EDDM13: variants seen among roughly 807,000 people sequenced by gnomAD.
The protein encoded by EDDM13 is epididymal protein 13.
Under a neutral mutation model 17.8 loss-of-function variants are expected in EDDM13, and 24 were observed. The observed-to-expected ratio is 1.35, with a 90% CI of 0.98 to 1.90. The LOEUF (loss-of-function observed/expected upper bound fraction) is 1.90. EDDM13 is among the 40% of genes most tolerant of loss of function. The pLI is 0.00. For synonymous variants in EDDM13, 31 were observed against 37.5 expected (o/e 0.83, Z 0.63); for missense variants, 97 against 100.8 (o/e 0.96, Z 0.16).
intron 2 of EDDM13, among the ~76,000 whole-genome samples, chr19:56,279,259 C>T (rs2038496144): frequency 6.6e-6 from 1 of 152,098 alleles, no homozygotes; most frequent in African/African-American, 2.4e-5. Flanking sequence ...TGCTCCAAGT[C>T]ACATGGAAGG....
rs536230024 is a variant in EDDM13, at chr19:56,278,028, A to G, written c.103+1919A>G. 2.0e-5 allele frequency among the ~76,000 whole-genome samples: 3 copies of G among 152,362 alleles called. No homozygotes were observed. In the South Asian group the frequency reaches 6.2e-4, roughly 32 times the overall value. ...GAAAGGTATTATTTTACATTTTTGC[A>G]AATCTCTTTGATGTCTAGTTTAATA... On this transcript the variant is annotated intron_variant, in intron 2 of 14. Coordinates refer to ENST00000649256, the MANE Select transcript of EDDM13 (RefSeq NM_001354658.2).
intron 2 of EDDM13, among the ~76,000 whole-genome samples, chr19:56,277,763 TG>T (rs1210240455): frequency 1.3e-5 from 2 of 151,320 alleles, no homozygotes; most frequent in Admixed American, 1.3e-4. Flanking sequence ...GGAAGGAGGG[TG>T]GCAGGGAGGT....
intron 12 of EDDM13, chr19:56,300,121 T>A (rs1254416025): frequency 6.6e-6 from 1 of 151,958 alleles, no homozygotes; most frequent in Non-Finnish European, 1.5e-5. Context: ...CAAAATATCC[T>A]CCAAACCCAG....
chr19:56,306,343 T>C (rs1467302440), intron 14 of EDDM13, among the ~76,000 whole-genome samples: 2 of 120,960 alleles, frequency 1.7e-5, no homozygotes, highest in Admixed American at 8.3e-5. Context: ...TTCTCTTCCC[T>C]TGATAGCTAC....
chr19:56,281,357 T>TGA (rs66660228), intron 2 of EDDM13, among the ~76,000 whole-genome samples: 1 of 151,942 alleles, frequency 6.6e-6, no homozygotes, highest in Non-Finnish European at 1.5e-5. Context: ...CAACGGTGTG[T>TGA]GTATGTACAC....
intron 3 of EDDM13, among the ~76,000 whole-genome samples, 176 bp downstream of exon 3, chr19:56,281,874 T>A (rs2038736134): frequency 6.6e-6 from 1 of 152,054 alleles, no homozygotes; most frequent in South Asian, 2.1e-4. Context: ...TTGCCCGGGG[T>A]GGGAACGGTG....
intron 2 of EDDM13, among the ~76,000 whole-genome samples, chr19:56,281,425 AAAGTT>A (rs1347704124): frequency 2.0e-5 from 3 of 152,232 alleles, no homozygotes; most frequent in Admixed American, 6.5e-5. Context: ...CTGAAACTGC[AAAGTT>A]AAAGAAGGGT....
intron 11 of EDDM13, among the ~76,000 whole-genome samples, chr19:56,297,100 G>A (rs1348122187): frequency 6.6e-6 from 1 of 152,008 alleles, no homozygotes; most frequent in Non-Finnish European, 1.5e-5. Flanking sequence ...GGGCGATCAG[G>A]GAACATGACA....
chr19:56,288,793 G>A (rs2039315605), intron 7 of EDDM13, among the ~76,000 whole-genome samples, 81 bp from the exon 8 acceptor site: 1 of 152,194 alleles, frequency 6.6e-6, no homozygotes. Flanking sequence ...AGTGGTGTCT[G>A]AGACCCGTGT....
chr19:56,290,147 A>G (rs2039417638), intron 8 of EDDM13, among the ~76,000 whole-genome samples: 1 of 152,208 alleles, frequency 6.6e-6, no homozygotes, highest in African/African-American at 2.4e-5. Context: ...TGAGAATACC[A>G]AGGGGTGGGT....
At chr19:56,302,180 G>A (rs767905330) in intron 13 of EDDM13, 85 bp downstream of exon 13, 6 of 1,055,516 alleles carry the variant, frequency 5.7e-6, no homozygotes, top group Non-Finnish European at 7.2e-6. Flanking sequence ...AAGCGAAGGA[G>A]GGTGCCTCAG....
intron 14 of EDDM13, among the ~76,000 whole-genome samples, chr19:56,308,174 C>A (rs1212820088): frequency 6.6e-6 from 1 of 152,218 alleles, no homozygotes; most frequent in African/African-American, 2.4e-5. Context: ...GCTGGGACTA[C>A]AGGCGAGTGC....
At position 56,284,982 on chromosome 19, in the gene EDDM13, A is replaced by T; in HGVS notation, c.128-16A>T. ...CTGCTGCATTTGCACATCATGTGTT[A>T]TGTCTTCTTCCTCAGGTCTCATGAG... On this transcript the variant is annotated splice_polypyrimidine_tract_variant and intron_variant, in intron 5 of 14. Transcript: ENST00000649256. 1 of 984,726 alleles carries T rather than the reference A, an allele frequency of 1.0e-6. No individual in the cohort carries two copies. The highest frequency in any genetic ancestry group is 1.2e-6 in the Non-Finnish European group (1 of 829,284). 61.0% of individuals were successfully genotyped at this position (984,726 alleles called of 1,614,324 possible).
chr19:56,273,526 C>A (rs190015255), intron 1 of EDDM13, among the ~76,000 whole-genome samples: 2 of 152,054 alleles, frequency 1.3e-5, no homozygotes, highest in Non-Finnish European at 1.5e-5. Flanking sequence ...TGTGGGGATT[C>A]GGAGATGGCC....
chr19:56,276,779 C>T lies in EDDM13; in HGVS notation c.103+670C>T, dbSNP rs188982078. ...CTCGAACTCCTGACCTCAGGTGATC[C>T]GCCCACCTCGGCCTCCCAAAGTGCT... On this transcript the variant is annotated intron_variant, in intron 2 of 14. Transcript: ENST00000649256. Among the ~76,000 whole-genome samples, 233 of 151,994 alleles carry T rather than the reference C, an allele frequency of 1.5e-3. 1 individual carries two copies. Among genetic ancestry groups the T allele is most frequent in the Admixed American group, 2.4e-3 (36 of 15,268 alleles).
chr19:56,300,912 G>C (rs2040183109), intron 12 of EDDM13, among the ~76,000 whole-genome samples: 1 of 152,142 alleles, frequency 6.6e-6, no homozygotes, highest in Admixed American at 6.5e-5. Flanking sequence ...TTTGACATAA[G>C]AAAGCGACAC....
Position 56,285,945 on chromosome 19 carries a change from C to G in EDDM13, c.154+921C>G, listed in dbSNP as rs373175273. 2.5e-4 allele frequency among the ~76,000 whole-genome samples: 38 copies of G among 152,292 alleles called. No individual in the cohort carries two copies. The East Asian group carries it at 7.3e-3, about 29-fold the overall frequency. Reference sequence around the variant, plus strand: ...CTTTTAAATCTGGACAGATGTTTAACAAATTTGCATCTTCATATACAGCCT... The same window carrying G: ...CTTTTAAATCTGGACAGATGTTTAAGAAATTTGCATCTTCATATACAGCCT... On this transcript the variant is annotated intron_variant, in intron 6 of 14. Transcript: ENST00000649256.
chr19:56,277,855 C>A (rs1182350762), intron 2 of EDDM13, among the ~76,000 whole-genome samples: 3 of 152,062 alleles, frequency 2.0e-5, no homozygotes, highest in African/African-American at 7.2e-5. Context: ...CACCACTGCA[C>A]AATTCATCCA....
intron 1 of EDDM13, among the ~76,000 whole-genome samples, chr19:56,273,723 T>C (rs941520727): frequency 6.6e-5 from 10 of 152,056 alleles, no homozygotes; most frequent in Non-Finnish European, 1.2e-4. Flanking sequence ...GTGGTGAGAC[T>C]GTTACAAGTA....
Sources: gnomAD v4.1 joint callset for allele counts (sites outside exome capture counted in the v4.1 genomes callset) on GRCh38, gnomAD v4.1.1 for gene constraint, MANE v1.5 for transcripts, NCBI Gene and HGNC (gene_info 2026-07-23, HGNC 2026-07-21) for gene names.